PARD3B: variants seen among roughly 807,000 people sequenced by gnomAD.
PARD3B encodes the protein par-3 family cell polarity regulator beta, also known as partitioning defective 3 homolog B.
Under a neutral mutation model 130.2 loss-of-function variants are expected in PARD3B, and 103 were observed. The ratio of observed to expected loss-of-function variants is 0.79; its 90% CI spans 0.67 to 0.93. The LOEUF (loss-of-function observed/expected upper bound fraction) is 0.93. PARD3B is among the 40% of genes least tolerant of loss of function. The pLI is 0.00. For synonymous variants in PARD3B, 583 were observed against 553.2 expected, an observed-to-expected ratio of 1.05 and a Z score of -0.76; for missense variants, 1,609 against 1,499.2, an observed-to-expected ratio of 1.07 and a Z score of -1.21.
rs2047075454 is a variant in PARD3B, at chr2:204,907,413, A to G, written c.223-57739A>G. ...TCATTTACATTTCTATTTGAATGTA[A>G]ATTATATTATGTGATAAAATTCCTC... On this transcript the variant is annotated intron_variant, in intron 2 of 22. Transcript: ENST00000406610. The surrounding 1 kb of genome is among the most constrained non-coding windows in gnomAD (Gnocchi z 5.7). Among the ~76,000 whole-genome samples, 1 of 152,184 alleles carries G rather than the reference A, an allele frequency of 6.6e-6. No homozygotes were observed. The highest frequency in any genetic ancestry group is 1.5e-5 in the Non-Finnish European group (1 of 68,034).
intron 21 of PARD3B, among the ~76,000 whole-genome samples, chr2:205,540,541 G>C (rs929594782): frequency 3.9e-5 from 6 of 152,144 alleles, no homozygotes; most frequent in Admixed American, 1.3e-4. Context: ...ACAGGTTTTT[G>C]AGACTGAAAA....
intron 2 of PARD3B, among the ~76,000 whole-genome samples, chr2:204,912,576 G>GA (rs550085281): frequency 0.01 from 1,540 of 152,202 alleles, 13 homozygotes; most frequent in Non-Finnish European, 0.015. Context: ...ATTTCAAGCA[G>GA]ATTTCTTTTA....
rs944350050 is a variant in PARD3B, at chr2:205,230,435, C to G, written c.2141-15343C>G. On this transcript the variant is annotated intron_variant, in intron 15 of 22. Coordinates refer to ENST00000406610, the MANE Select transcript of PARD3B (RefSeq NM_001302769.2). This position sits in a 1 kb window ranked among gnomAD's most constrained non-coding sequence, Gnocchi z 4.1. ...TGTGTCTGGAAATGTCATCCAGGAGCTAAAGCCTAGAATGGGGGCCCCAGG... is the reference window on the plus strand; with the variant it reads ...TGTGTCTGGAAATGTCATCCAGGAGGTAAAGCCTAGAATGGGGGCCCCAGG... Among the ~76,000 whole-genome samples the G allele has an allele frequency of 6.6e-6, 1 of 152,178 alleles. No individual in the cohort carries two copies. Among genetic ancestry groups the G allele is most frequent in the African/African-American group, 2.4e-5 (1 of 41,444 alleles).
At chr2:204,596,467 C>T (rs956357155) in intron 1 of PARD3B, among the ~76,000 whole-genome samples, 7 of 152,036 alleles carry the variant, frequency 4.6e-5, no homozygotes, top group Non-Finnish European at 4.4e-5. Flanking sequence ...TTTTTTGAAA[C>T]CTGACTTCAG....
intron 15 of PARD3B, among the ~76,000 whole-genome samples, chr2:205,227,150 T>C (rs1376706792): frequency 3.3e-5 from 5 of 152,198 alleles, no homozygotes; most frequent in Admixed American, 3.3e-4. Flanking sequence ...GAATGTGTAT[T>C]CTGCAGCCAT....
intron 1 of PARD3B, among the ~76,000 whole-genome samples, chr2:204,666,978 T>C (rs2036053425): frequency 2.6e-5 from 4 of 152,100 alleles, no homozygotes; most frequent in Admixed American, 2.6e-4. Flanking sequence ...AAGATGCTGA[T>C]TGACAAAGGA....
At chr2:205,524,224 G>C (rs2106409565) in intron 21 of PARD3B, among the ~76,000 whole-genome samples, 1 of 152,072 alleles carries the variant, frequency 6.6e-6, no homozygotes, top group African/African-American at 2.4e-5. Context: ...TTTTATTGAT[G>C]GCTTCATGTT....
chr2:204,985,936 C>G (rs923977627), intron 3 of PARD3B, among the ~76,000 whole-genome samples: 1 of 151,692 alleles, frequency 6.6e-6, no homozygotes, highest in African/African-American at 2.4e-5. Flanking sequence ...CCCGTCTCTA[C>G]TAAAAATACA....
At chr2:204,781,812 T>C (rs1359363931) in intron 2 of PARD3B, among the ~76,000 whole-genome samples, 1 of 152,106 alleles carries the variant, frequency 6.6e-6, no homozygotes, top group Admixed American at 6.6e-5. Context: ...TCTTAATATA[T>C]ATATTTTTAG....
intron 15 of PARD3B, among the ~76,000 whole-genome samples, chr2:205,211,246 A>G (rs929565033): frequency 6.0e-4 from 91 of 152,010 alleles, no homozygotes; most frequent in African/African-American, 2.1e-3. Context: ...ATAAACACCT[A>G]CTCTGCTTTT....
chr2:205,447,314 A>G (rs889186300), intron 20 of PARD3B, among the ~76,000 whole-genome samples: 1 of 152,158 alleles, frequency 6.6e-6, no homozygotes, highest in African/African-American at 2.4e-5. Flanking sequence ...CTGTCTCCTC[A>G]GTTCCTGGGG....
chr2:204,724,189 G>A (rs1372195413), intron 2 of PARD3B, among the ~76,000 whole-genome samples: 2 of 152,022 alleles, frequency 1.3e-5, no homozygotes, highest in East Asian at 1.9e-4. Context: ...GATATAGTTG[G>A]TTTTGTTAAG....
chr2:205,307,991 A>G (rs1428156109), intron 18 of PARD3B, among the ~76,000 whole-genome samples: 1 of 152,202 alleles, frequency 6.6e-6, no homozygotes, highest in African/African-American at 2.4e-5. Flanking sequence ...TACTAGACTA[A>G]TGAAGAACCA....
chr2:204,969,795 A>G (rs1011972964), intron 3 of PARD3B, among the ~76,000 whole-genome samples: 3 of 152,198 alleles, frequency 2.0e-5, no homozygotes, highest in African/African-American at 7.2e-5. Flanking sequence ...AGATACTATG[A>G]ATAGGTATAA....
At chr2:205,190,470 A>G (rs573635294) in intron 14 of PARD3B, among the ~76,000 whole-genome samples, 150 of 152,324 alleles carry the variant, frequency 9.8e-4, no homozygotes, top group Non-Finnish European at 1.8e-3. Context: ...CCTAAAATGT[A>G]AGCCACATAG....
At chr2:204,559,282 A>C (rs757965144) in intron 1 of PARD3B, among the ~76,000 whole-genome samples, 6 of 152,146 alleles carry the variant, frequency 3.9e-5, no homozygotes, top group Non-Finnish European at 7.4e-5. Context: ...AAAATTTTTG[A>C]AATCTACCCA....
intron 2 of PARD3B, among the ~76,000 whole-genome samples, chr2:204,919,038 G>T (rs1400037796): frequency 6.6e-6 from 1 of 152,076 alleles, no homozygotes; most frequent in Non-Finnish European, 1.5e-5. Context: ...AAATAAGTAT[G>T]CAGTGAAGAC....
At chr2:204,757,438 A>C (rs77630130) in intron 2 of PARD3B, among the ~76,000 whole-genome samples, 1 of 152,074 alleles carries the variant, frequency 6.6e-6, no homozygotes, top group Admixed American at 6.6e-5. Flanking sequence ...TGACCTTCTT[A>C]TAGTAGCCAT....
At position 205,589,997 on chromosome 2, in the gene PARD3B, A is replaced by G. The variant is rs1322985179; in HGVS notation, c.3261-25459A>G. ...GCTGCAACAAAGCTTTTCTCCCCCAAGGTGGTTTCCAAAGTGAATGACCAC... is the reference window on the plus strand; with the variant it reads ...GCTGCAACAAAGCTTTTCTCCCCCAGGGTGGTTTCCAAAGTGAATGACCAC... On this transcript the variant is annotated intron_variant, in intron 22 of 22. Transcript: ENST00000406610. This position sits in a 1 kb window ranked among gnomAD's most constrained non-coding sequence, Gnocchi z 4.1. 1.3e-5 allele frequency among the ~76,000 whole-genome samples: 2 copies of G among 152,252 alleles called. No individual in the cohort carries two copies. The highest frequency in any genetic ancestry group is 1.5e-5 in the Non-Finnish European group (1 of 68,024).
Sources: gnomAD v4.1 joint callset for allele counts (sites outside exome capture counted in the v4.1 genomes callset) on GRCh38, gnomAD v4.1.1 for gene constraint, Gnocchi (gnomAD v3.1) non-coding constraint, MANE v1.5 for transcripts, NCBI Gene and HGNC (gene_info 2026-07-23, HGNC 2026-07-21) for gene names.